Variants in GALNTL6 observed in about 807,000 individuals in gnomAD.
GALNTL6 encodes the protein polypeptide N-acetylgalactosaminyltransferase like 6, also known as polypeptide N-acetylgalactosaminyltransferase-like 6.
A neutral mutation model predicts 73.7 loss-of-function variants in GALNTL6; 46 were observed. The ratio of observed to expected loss-of-function variants is 0.62; its 90% CI spans 0.49 to 0.80. The LOEUF is 0.80. Ranked by LOEUF, GALNTL6 falls within the 30% of genes least tolerant of loss-of-function variation. The probability of loss-of-function intolerance (pLI) is 0.00; values close to 1 mark genes in which losing one functional copy is unlikely to be tolerated. For missense variants in GALNTL6, 604 were observed against 755.0 expected (o/e 0.80, Z 2.34); for synonymous variants, 259 against 263.7 (o/e 0.98, Z 0.17).
chr4:172,425,958 T>C (rs1427896633), intron 5 of GALNTL6, among the ~76,000 whole-genome samples: 1 of 152,106 alleles, frequency 6.6e-6, no homozygotes, highest in Non-Finnish European at 1.5e-5. Context: ...AGTAGCATGG[T>C]ATTCTCCTTG....
chr4:172,833,563 A>G (rs982204353), intron 7 of GALNTL6, among the ~76,000 whole-genome samples: 4 of 152,116 alleles, frequency 2.6e-5, no homozygotes, highest in Non-Finnish European at 5.9e-5. Context: ...ATTCCCTCAC[A>G]CTTGAGCTCC....
chr4:172,802,378 A>G (rs923474242), intron 5 of GALNTL6, among the ~76,000 whole-genome samples: 3 of 152,160 alleles, frequency 2.0e-5, no homozygotes, highest in South Asian at 2.1e-4. Context: ...AAGAATTCTT[A>G]ACAGGACCTG....
intron 2 of GALNTL6, among the ~76,000 whole-genome samples, chr4:172,177,668 T>A (rs1441929743): frequency 6.7e-6 from 1 of 149,106 alleles, no homozygotes; most frequent in Non-Finnish European, 1.5e-5. Flanking sequence ...ACATAAATAT[T>A]TTTATATTCA....
chr4:172,605,669 A>G (rs1738225988), intron 5 of GALNTL6, among the ~76,000 whole-genome samples: 1 of 152,146 alleles, frequency 6.6e-6, no homozygotes, highest in South Asian at 2.1e-4. Flanking sequence ...AGGAAAAAGT[A>G]TGCGGTTTGG....
chr4:172,427,353 A>G (rs1295500659), intron 5 of GALNTL6, among the ~76,000 whole-genome samples: 2 of 152,130 alleles, frequency 1.3e-5, no homozygotes, highest in East Asian at 3.9e-4. Context: ...TAAAACCATC[A>G]GATCTCATGA....
chr4:172,189,872 C>T (rs570584885), intron 2 of GALNTL6, among the ~76,000 whole-genome samples: 1 of 152,080 alleles, frequency 6.6e-6, no homozygotes, highest in South Asian at 2.1e-4. Context: ...TAACTTGAGG[C>T]AGATGGAAAT....
At chr4:171,846,754 A>T (rs1735381298) in intron 2 of GALNTL6, among the ~76,000 whole-genome samples, 1 of 148,574 alleles carries the variant, frequency 6.7e-6, no homozygotes, top group Non-Finnish European at 1.5e-5. Context: ...GTATATTCAC[A>T]TGTCTCTCTA....
intron 5 of GALNTL6, among the ~76,000 whole-genome samples, chr4:172,526,214 G>A (rs189653821): frequency 0.01 from 1,564 of 152,276 alleles, 19 homozygotes; most frequent in Non-Finnish European, 0.016. Flanking sequence ...GAACAACTTT[G>A]AGTTGTAAAA....
intron 8 of GALNTL6, among the ~76,000 whole-genome samples, chr4:172,887,536 TTTTA>T (rs56097389): frequency 0.2 from 28,390 of 143,162 alleles, 2,902 homozygotes; most frequent in African/African-American, 0.26. Context: ...TATTTTAACC[TTTTA>T]TTTATTTATT....
chr4:172,227,202 C>G (rs1361003273), intron 2 of GALNTL6, among the ~76,000 whole-genome samples: 2 of 152,110 alleles, frequency 1.3e-5, no homozygotes, highest in African/African-American at 4.8e-5. Flanking sequence ...TGCATCTCTT[C>G]CAGTTGATTT....
intron 2 of GALNTL6, among the ~76,000 whole-genome samples, chr4:172,046,785 G>A (rs1742234218): frequency 6.6e-6 from 1 of 152,034 alleles, no homozygotes; most frequent in Admixed American, 6.6e-5. Context: ...CTTATCAAAT[G>A]TATGGCTAAA....
intron 7 of GALNTL6, among the ~76,000 whole-genome samples, chr4:172,862,624 C>T (rs906387695): frequency 1.3e-5 from 2 of 152,064 alleles, no homozygotes; most frequent in African/African-American, 4.8e-5. Context: ...CGCTTGAACC[C>T]TGGAGGTGGA....
chr4:172,146,407 A>G (rs1387679014), intron 2 of GALNTL6, among the ~76,000 whole-genome samples: 1 of 152,236 alleles, frequency 6.6e-6, no homozygotes, highest in Non-Finnish European at 1.5e-5. Context: ...AATCACCTGT[A>G]AACTTTATGT....
intron 5 of GALNTL6, among the ~76,000 whole-genome samples, chr4:172,606,643 A>G (rs1346623290): frequency 2.8e-5 from 1 of 35,762 alleles, no homozygotes; most frequent in African/African-American, 6.3e-5. Flanking sequence ...TATATATACT[A>G]TATATATAGT....
intron 2 of GALNTL6, among the ~76,000 whole-genome samples, chr4:171,996,480 A>T (rs557667548): frequency 6.6e-5 from 10 of 152,232 alleles, no homozygotes; most frequent in African/African-American, 1.9e-4. Context: ...TTTGCAATAT[A>T]TTTATAATAG....
chr4:172,403,978 A>T (rs73872051), intron 5 of GALNTL6, among the ~76,000 whole-genome samples: 3,888 of 152,070 alleles, frequency 0.026, 162 homozygotes, highest in African/African-American at 0.088. Flanking sequence ...ATTGAAAATT[A>T]TTTTTTAAAC....
At chr4:172,666,785 G>A (rs1731691471) in intron 5 of GALNTL6, 1 of 152,032 alleles carries the variant, frequency 6.6e-6, no homozygotes, top group Non-Finnish European at 1.5e-5. Context: ...TGTTATTTAG[G>A]ATGATGGGAG....
intron 5 of GALNTL6, among the ~76,000 whole-genome samples, chr4:172,700,999 C>T (rs536280085): frequency 3.3e-5 from 5 of 152,096 alleles, no homozygotes; most frequent in African/African-American, 1.2e-4. Context: ...CCTCATGGAA[C>T]GTGTCTCAAA....
At chr4:171,906,670 A>C (rs1448600242) in intron 2 of GALNTL6, among the ~76,000 whole-genome samples, 2 of 152,204 alleles carry the variant, frequency 1.3e-5, no homozygotes, top group Admixed American at 6.5e-5. Flanking sequence ...CCAATACCAA[A>C]GCCTGGCAGA....
Sources: allele counts gnomAD v4.1 joint callset (sites outside exome capture counted in the v4.1 genomes callset), GRCh38; gene constraint gnomAD v4.1.1; transcripts MANE v1.5; gene names NCBI Gene and HGNC (gene_info 2026-07-23, HGNC 2026-07-21).